The following LRP1B variants were observed in gnomAD, a reference collection of about 807,000 sequenced individuals.
LRP1B encodes low-density lipoprotein receptor-related protein 1B.
LRP1B carries 217 observed loss-of-function variants against 556.6 expected under a neutral mutation model. The ratio of observed to expected loss-of-function variants is 0.39; its 90% CI spans 0.35 to 0.44. LRP1B has a LOEUF of 0.44. LRP1B is among the 20% of genes least tolerant of loss of function. The pLI is 1.00. For missense variants in LRP1B, 5,053 were observed against 5,620.8 expected, an observed-to-expected ratio of 0.90 and a Z score of 3.23; for synonymous variants, 2,047 against 1,865.8, an observed-to-expected ratio of 1.10 and a Z score of -2.50.
intron 5 of LRP1B, among the ~76,000 whole-genome samples, chr2:141,242,754 C>T (rs571539752): frequency 6.6e-6 from 1 of 152,018 alleles, no homozygotes; most frequent in African/African-American, 2.4e-5. Context: ...ATCAGTAGAG[C>T]CCTAGGGGTT....
At chr2:141,715,018 C>T (rs1692524543) in intron 2 of LRP1B, among the ~76,000 whole-genome samples, 4 of 152,076 alleles carry the variant, frequency 2.6e-5, no homozygotes, top group South Asian at 2.1e-4. Flanking sequence ...TCCAGGCATT[C>T]GTTCACCAAA....
At chr2:141,911,190 G>A (rs1427392943) in intron 1 of LRP1B, among the ~76,000 whole-genome samples, 2 of 152,096 alleles carry the variant, frequency 1.3e-5, no homozygotes, top group Non-Finnish European at 2.9e-5. Context: ...AAAACCCTAA[G>A]CTATGATACA....
intron 1 of LRP1B, among the ~76,000 whole-genome samples, chr2:141,866,243 C>G (rs2105794100): frequency 6.6e-6 from 1 of 152,284 alleles, no homozygotes. Flanking sequence ...CTTAAGTCAT[C>G]TGCAGAGAAA....
intron 82 of LRP1B, among the ~76,000 whole-genome samples, chr2:140,321,214 T>C (rs1015312276): frequency 4.0e-5 from 6 of 150,212 alleles, no homozygotes; most frequent in African/African-American, 1.5e-4. Context: ...TTTTCTTTCC[T>C]TGTGCTACCA....
Position 140,279,125 on chromosome 2 carries a change from G to C in LRP1B, c.12968-4527C>G, listed in dbSNP as rs193224937. ...TCTCTCTTTCTTTCTTGTCTTAAAG[G>C]CTTTACTATTTACTCATTTCCCACT... On this transcript the variant is annotated intron_variant, in intron 84 of 90. Transcript: ENST00000389484. Among the ~76,000 whole-genome samples, 381 of 151,734 alleles carry C rather than the reference G, an allele frequency of 2.5e-3. 2 individuals are homozygous for C. The highest frequency in any genetic ancestry group is 8.7e-3 in the African/African-American group (360 of 41,442).
Position 140,950,475 on chromosome 2 carries a change from T to C in LRP1B, c.2969-73A>G, listed in dbSNP as rs1695681372. 2.4e-6 allele frequency: 3 copies of C among 1,234,414 alleles called. No individual in the cohort carries two copies. In the Admixed American group the frequency reaches 7.0e-5, roughly 29 times the overall value. 76.5% of individuals were successfully genotyped at this position (1,234,414 alleles called of 1,614,324 possible). A position where few individuals can be genotyped will look rare whatever the true frequency, so the allele number is the denominator to read the frequency against. On this transcript the variant is annotated intron_variant, in intron 19 of 90. Transcript: ENST00000389484. ...AATTTTTTCTTATGAAATATCTAAC[T>C]GGTTTCTGTTGTTGTTGTTGTTTTT...
intron 7 of LRP1B, among the ~76,000 whole-genome samples, chr2:141,069,780 T>G (rs1699583929): frequency 6.6e-6 from 1 of 152,038 alleles, no homozygotes; most frequent in Non-Finnish European, 1.5e-5. Context: ...ATATCAGAAC[T>G]AAATCTTGCA....
At chr2:141,845,170 T>C (rs2105765704) in intron 1 of LRP1B, among the ~76,000 whole-genome samples, 1 of 151,952 alleles carries the variant, frequency 6.6e-6, no homozygotes, top group African/African-American at 2.4e-5. Context: ...ATCTTTCAGC[T>C]TCAAGGTTAT....
At chr2:141,886,933 G>T (rs1470274733) in intron 1 of LRP1B, among the ~76,000 whole-genome samples, 2 of 150,110 alleles carry the variant, frequency 1.3e-5, no homozygotes, top group Non-Finnish European at 3.0e-5. Flanking sequence ...GTGTGTGTAT[G>T]TGTGTGAGGG....
intron 60 of LRP1B, among the ~76,000 whole-genome samples, chr2:140,464,738 AC>A (rs1374955715): frequency 6.6e-6 from 1 of 152,212 alleles, no homozygotes; most frequent in Non-Finnish European, 1.5e-5. Context: ...GACTATAAGT[AC>A]TTACTATAAG....
rs2105446176 is a variant in LRP1B at position 141,049,174 on chromosome 2, A to T, written c.1601T>A (p.Ile534Asn). Residue 534 changes from isoleucine to asparagine, a missense_variant, in exon 11 of 91, where the codon ATT becomes AAT. Around this residue, in one of 5 missense-constraint regions of LRP1B, gnomAD observed 3,619 missense variants for 3,931.9 expected, o/e 0.92. Transcript: ENST00000389484. ...GGTATTCAAGTCCATTCCTCTAACA[A>T]TTCCTGGGCGTCCTTTCCCATAAAA... ...FLFYGKGRPG[I>N]VRGMDLNTKI... 1 of 1,613,468 alleles carries T rather than the reference A, an allele frequency of 6.2e-7. No individual in the cohort carries two copies. Among genetic ancestry groups the T allele is most frequent in the Non-Finnish European group, 8.5e-7 (1 of 1,179,660 alleles).
At chr2:140,528,424 A>G (rs1289391938) in intron 47 of LRP1B, among the ~76,000 whole-genome samples, 1 of 152,016 alleles carries the variant, frequency 6.6e-6, no homozygotes, top group Admixed American at 6.6e-5. Flanking sequence ...ATTAATAAGC[A>G]TAAGGAAATA....
At chr2:140,818,853 C>T (rs1691217156) in intron 31 of LRP1B, among the ~76,000 whole-genome samples, 1 of 149,752 alleles carries the variant, frequency 6.7e-6, no homozygotes, top group Admixed American at 6.7e-5. Context: ...AGGAGAATCG[C>T]TTGAACCCAG....
At chr2:141,600,640 C>A (rs7575223) in intron 2 of LRP1B, among the ~76,000 whole-genome samples, 52,353 of 152,036 alleles carry the variant, frequency 0.34, 11,578 homozygotes, top group African/African-American at 0.63. Context: ...AAGTCAATGT[C>A]TGCTACCTAC....
intron 7 of LRP1B, among the ~76,000 whole-genome samples, chr2:141,161,708 A>C (rs1680040938): frequency 6.6e-6 from 1 of 152,150 alleles, no homozygotes; most frequent in African/African-American, 2.4e-5. Flanking sequence ...AATAATAAAG[A>C]TAATGCTTCC....
intron 82 of LRP1B, among the ~76,000 whole-genome samples, chr2:140,321,013 G>C (rs1316749220): frequency 6.6e-6 from 1 of 152,034 alleles, no homozygotes; most frequent in South Asian, 2.1e-4. Context: ...CCGAGATCAT[G>C]CCACTGCACT....
intron 1 of LRP1B, among the ~76,000 whole-genome samples, chr2:141,954,474 A>G (rs575167531): frequency 6.6e-6 from 1 of 152,190 alleles, no homozygotes; most frequent in Admixed American, 6.6e-5. Context: ...GCCACTTACT[A>G]GTTTTGTGAA....
At chr2:140,915,944 T>C (rs62173656) in intron 21 of LRP1B, among the ~76,000 whole-genome samples, 116,374 of 151,632 alleles carry the variant, frequency 0.77, 45,044 homozygotes, top group East Asian at 0.95. Context: ...AAGAGAATGG[T>C]GTGAACCCAG....
chr2:140,385,256 A>T (rs2105197085), intron 67 of LRP1B, among the ~76,000 whole-genome samples: 1 of 152,242 alleles, frequency 6.6e-6, no homozygotes, highest in East Asian at 1.9e-4. Flanking sequence ...AAAAATACAT[A>T]TATATATTCT....
Sources: gnomAD v4.1 joint callset for allele counts (sites outside exome capture counted in the v4.1 genomes callset) on GRCh38, gnomAD v4.1.1 for gene constraint, gnomAD v4.1.1 regional missense constraint, MANE v1.5 for transcripts, NCBI Gene and HGNC (gene_info 2026-07-23, HGNC 2026-07-21) for gene names.